The following FSIP2 variants were observed in gnomAD, a reference collection of about 807,000 sequenced individuals.
FSIP2 encodes fibrous sheath interacting protein 2, also known as fibrous sheath-interacting protein 2.
FSIP2 carries 367 observed loss-of-function variants against 510.5 expected under a neutral mutation model. The ratio of observed to expected loss-of-function variants is 0.72; its 90% CI spans 0.66 to 0.78. FSIP2 has a LOEUF of 0.78. Among genes scored for constraint, FSIP2 ranks in the 30% least tolerant of loss-of-function variants. FSIP2 has a pLI of 0.00. For synonymous variants in FSIP2, 2,601 were observed against 2,732.2 expected (o/e 0.95, Z 1.50); for missense variants, 7,594 against 7,901.7 (o/e 0.96, Z 1.48).
Position 185,738,984 on chromosome 2 carries a change from G to T in FSIP2, c.90G>T (p.Gln30His). 2 of 1,532,856 alleles carry T rather than the reference G, an allele frequency of 1.3e-6. No homozygotes were observed. Among genetic ancestry groups the T allele is most frequent in the South Asian group, 1.2e-5 (1 of 83,882 alleles). The allele number at this position is 1,532,856 out of a possible 1,614,324, so 95.0% of individuals were successfully genotyped here. The change falls in exon 1 of 23, where the codon CAG becomes CAT. Residue 30 changes from glutamine (Q) to histidine (H), a missense_variant. By Grantham distance (24) the Gln-to-His change is conservative. Coordinates refer to ENST00000424728, the MANE Select transcript of FSIP2 (RefSeq NM_173651.4). ...GCGTCCTGGCCGCGGACACCCAGCA[G>T]TGCAGAGACGTGAGTGGCCGCAAGC... ...VASVLAADTQ[Q>H]CRDGVHKTHF...
chr2:185,766,425 A>G (rs1243111226), intron 13 of FSIP2: 1 of 148,736 alleles, frequency 6.7e-6, no homozygotes, highest in Non-Finnish European at 1.5e-5. Context: ...TCATCTGACA[A>G]AGGGCTAATA....
intron 13 of FSIP2, among the ~76,000 whole-genome samples, chr2:185,779,212 A>G (rs1692791300): frequency 6.6e-6 from 1 of 151,628 alleles, no homozygotes; most frequent in African/African-American, 2.4e-5. Context: ...CTACTGCCTT[A>G]TTTGTGGTTT....
intron 6 of FSIP2, among the ~76,000 whole-genome samples, 191 bp downstream of exon 6, chr2:185,747,001 C>T (rs78225166): frequency 0.022 from 3,293 of 152,050 alleles, 101 homozygotes; most frequent in African/African-American, 0.069. Flanking sequence ...CCACAAAGTA[C>T]GTATATAAGC....
chr2:185,831,750 T>C (rs927258737), intron 21 of FSIP2, 63 bp from the exon 22 acceptor site: 7 of 1,000,224 alleles, frequency 7.0e-6, no homozygotes, highest in Non-Finnish European at 6.4e-6. Context: ...TGAGGACTTA[T>C]GGGTATATCT....
intron 16 of FSIP2, among the ~76,000 whole-genome samples, chr2:185,798,006 T>C (rs1011689423): frequency 5.9e-5 from 9 of 151,882 alleles, no homozygotes; most frequent in Admixed American, 5.9e-4. Flanking sequence ...TGCTTTTTAA[T>C]TCATCACAAT....
At chr2:185,776,906 T>A (rs990419071) in intron 13 of FSIP2, among the ~76,000 whole-genome samples, 1 of 152,110 alleles carries the variant, frequency 6.6e-6, no homozygotes, top group African/African-American at 2.4e-5. Flanking sequence ...GTATTTTTAG[T>A]AGAGACCAGG....
In FSIP2 at chr2:185,756,227, A is replaced by G. The variant is rs1394175441; in HGVS notation, c.1027A>G (p.Ile343Val). ...GAATAAAAAGAAGACTTCTGAAGAT[A>G]TAATGTTAGTTTATCCTGCTGGAGA... ...PKNKKKTSED[I>V]MLVYPAGDQN... Residue 343 changes from isoleucine to valine, a missense_variant, in exon 9 of 23, where the codon ATA (isoleucine) becomes GTA (valine). Physicochemically the swap from Ile to Val is conservative, Grantham distance 29. Transcript: ENST00000424728. The G allele has an allele frequency of 7.5e-7, 1 of 1,335,826 alleles. No individual in the cohort carries two copies. The highest frequency in any genetic ancestry group is 1.0e-6 in the Non-Finnish European group (1 of 983,330). The allele number at this position is 1,335,826 out of a possible 1,614,324, so 82.7% of individuals were successfully genotyped here.
In FSIP2 at chr2:185,753,787, C is replaced by T. The variant is rs1056106127; in HGVS notation, c.936C>T (p.Asn312=). Residue 312 remains asparagine, a synonymous_variant, in exon 8 of 23, where the codon AAC becomes AAT. Coordinates refer to ENST00000424728, the MANE Select transcript of FSIP2 (RefSeq NM_173651.4). Reference sequence around the variant, plus strand: ...AAAAAATGCAAGATACTGGCTTTAACGGAGAAGATATAGGAAAAAATACAT... The same window carrying T: ...AAAAAATGCAAGATACTGGCTTTAATGGAGAAGATATAGGAAAAAATACAT... The part of the protein sequence containing the change: ...HLQKMQDTGF[N]GEDIGKNTFK... 7.8e-5 allele frequency: 115 copies of T among 1,466,642 alleles called. No homozygotes were observed. Among genetic ancestry groups the T allele is most frequent in the Non-Finnish European group, 9.9e-5 (109 of 1,098,884 alleles). The allele number at this position is 1,466,642 out of a possible 1,614,324, so 90.9% of individuals were successfully genotyped here. A position where few individuals can be genotyped will look rare whatever the true frequency, so the allele number is the denominator to read the frequency against.
intron 2 of FSIP2, 74 bp downstream of exon 2, chr2:185,739,545 C>A (rs1470947450): frequency 3.9e-6 from 5 of 1,268,384 alleles, no homozygotes; most frequent in Admixed American, 3.5e-5. Flanking sequence ...CTGCATCATA[C>A]AAAATTCATT....
At chr2:185,776,474 T>C (rs1692723677) in intron 13 of FSIP2, among the ~76,000 whole-genome samples, 1 of 152,118 alleles carries the variant, frequency 6.6e-6, no homozygotes, top group East Asian at 1.9e-4. Flanking sequence ...CTTCTATTTC[T>C]AATTTTGATA....
Position 185,788,834 on chromosome 2 carries a change from T to C in FSIP2, c.1698T>C (p.Phe566=). The change falls in exon 16 of 23, where the codon TTT becomes TTC. Residue 566 remains phenylalanine, a synonymous_variant. Coordinates refer to ENST00000424728, the MANE Select transcript of FSIP2 (RefSeq NM_173651.4). ...SSFCSTCSED[F]TYRSYTSATT... ...TCTGTAGCACGTGCAGTGAAGACTT[T>C]ACATATAGAAGCTACACATCTGCAA... is the stretch of plus-strand genomic sequence containing the variant. 6.5e-7 allele frequency: 1 copy of C among 1,534,638 alleles called. No homozygotes were observed. Among genetic ancestry groups the C allele is most frequent in the South Asian group, 1.2e-5 (1 of 84,016 alleles).
At chr2:185,799,002 A>T (rs1327213272) in intron 16 of FSIP2, among the ~76,000 whole-genome samples, 1 of 151,858 alleles carries the variant, frequency 6.6e-6, no homozygotes, top group Admixed American at 6.6e-5. Context: ...TATAATATAT[A>T]ATTAAGTTCT....
At position 185,802,158 on chromosome 2, in the gene FSIP2, G is replaced by T. The variant is rs1435236511; in HGVS notation, c.12852G>T (p.Gln4284His). Residue 4284 changes from glutamine to histidine, a missense_variant, in exon 17 of 23, where the codon CAG becomes CAT. Gln to His is a conservative substitution (Grantham distance 24). Coordinates refer to ENST00000424728, the MANE Select transcript of FSIP2 (RefSeq NM_173651.4). ...ATCCAGTGTCTACTATTGTTACACAGGTTCTGAGTGAAGTGATAGAGTCAC... is the reference window on the plus strand; with the variant it reads ...ATCCAGTGTCTACTATTGTTACACATGTTCTGAGTGAAGTGATAGAGTCAC... ...PLDPVSTIVT[Q>H]VLSEVIESHR... The T allele has an allele frequency of 3.9e-6, 6 of 1,533,094 alleles. No homozygotes were observed. Among genetic ancestry groups the T allele is most frequent in the Non-Finnish European group, 5.2e-6 (6 of 1,145,056 alleles). 95.0% of individuals were successfully genotyped at this position (1,533,094 alleles called of 1,614,324 possible).
In FSIP2 at chr2:185,798,439, C is replaced by T. The variant is rs73980275; in HGVS notation, c.10390+913C>T. ...TATATTAGGTGAAACAACATGTAAT[C>T]GTCATTTTGTATATCAAAAACAGTT... On this transcript the variant is annotated intron_variant, in intron 16 of 22. Coordinates refer to ENST00000424728, the MANE Select transcript of FSIP2 (RefSeq NM_173651.4). Among the ~76,000 whole-genome samples, 204 of 151,874 alleles carry T rather than the reference C, an allele frequency of 1.3e-3. 1 individual carries two copies. The highest frequency in any genetic ancestry group is 4.6e-3 in the African/African-American group (191 of 41,506).
chr2:185,774,674 G>A, intron 13 of FSIP2, among the ~76,000 whole-genome samples: 1 of 143,238 alleles, frequency 7.0e-6, no homozygotes, highest in Non-Finnish European at 1.5e-5. Flanking sequence ...CTGGTGTGCT[G>A]CACCCACTAA....
rs1574159021 is a variant in FSIP2, at chr2:185,758,455, A to G, written c.1078+2177A>G. Among the ~76,000 whole-genome samples, 7 of 151,410 alleles carry G rather than the reference A, an allele frequency of 4.6e-5. No homozygotes were observed. In the South Asian group the frequency reaches 1.4e-3, roughly 31 times the overall value. On this transcript the variant is annotated intron_variant, in intron 9 of 22. Transcript: ENST00000424728. ...AACACATATTATGTATGTTATATGT[A>G]TTATATACTATAATCTTACAATAAA...
chr2:185,795,416 C>G lies in FSIP2; in HGVS notation c.8280C>G (p.Thr2760=). The change falls in exon 16 of 23, where the codon ACC becomes ACG. Residue 2760 remains threonine (T), a synonymous_variant. Coordinates refer to ENST00000424728, the MANE Select transcript of FSIP2 (RefSeq NM_173651.4). ...IVKEFGKVKQ[T]KALPSDQIIA... is the part of the protein sequence containing the mutation. ...AGGAATTTGGAAAGGTAAAGCAAAC[C>G]AAAGCTTTACCATCTGATCAAATCA... 6.5e-7 allele frequency: 1 copy of G among 1,534,092 alleles called. No individual in the cohort carries two copies. Among genetic ancestry groups the G allele is most frequent in the Non-Finnish European group, 8.7e-7 (1 of 1,145,448 alleles).
rs966313588 is a variant in FSIP2, at chr2:185,804,210, G to A, written c.14904G>A (p.Met4968Ile). 2.6e-6 allele frequency: 4 copies of A among 1,518,994 alleles called. No homozygotes were observed. The highest frequency in any genetic ancestry group is 3.5e-6 in the Non-Finnish European group (4 of 1,140,226). 94.1% of individuals were successfully genotyped at this position (1,518,994 alleles called of 1,614,324 possible). Reference protein sequence around the residue: ...CKILYAFSHNMLVTENPDRVK... With the variant: ...CKILYAFSHNILVTENPDRVK... ...TTCTTTATGCATTTTCACATAACATGTTGGTTACTGAAAATCCAGATAGAG... is the reference window on the plus strand; with the variant it reads ...TTCTTTATGCATTTTCACATAACATATTGGTTACTGAAAATCCAGATAGAG... Residue 4968 changes from methionine (M) to isoleucine (I), a missense_variant, in exon 17 of 23, where the codon ATG (methionine) becomes ATA (isoleucine). By Grantham distance (10) the Met-to-Ile change is conservative. Coordinates refer to ENST00000424728, the MANE Select transcript of FSIP2 (RefSeq NM_173651.4).
intron 2 of FSIP2, among the ~76,000 whole-genome samples, chr2:185,742,065 A>G (rs185824360): frequency 1.1e-4 from 16 of 152,298 alleles, no homozygotes; most frequent in Admixed American, 5.9e-4. Flanking sequence ...CTGGTTTCCC[A>G]TATTACCTAC....
Sources: gnomAD v4.1 joint callset for allele counts (sites outside exome capture counted in the v4.1 genomes callset) on GRCh38, gnomAD v4.1.1 for gene constraint, MANE v1.5 for transcripts, NCBI Gene and HGNC (gene_info 2026-07-23, HGNC 2026-07-21) for gene names.